PDE4D: variants seen among roughly 807,000 people sequenced by gnomAD.
The protein encoded by PDE4D is phosphodiesterase 4D.
In PDE4D, 24 loss-of-function variants were observed where a neutral mutation model predicts 87.4. The ratio of observed to expected loss-of-function variants is 0.27; its 90% CI spans 0.20 to 0.39. PDE4D has a LOEUF of 0.39. Ranked by LOEUF, PDE4D falls within the 10% of genes least tolerant of loss-of-function variation. The probability of loss-of-function intolerance (pLI) is 1.00; values close to 1 mark genes in which losing one functional copy is unlikely to be tolerated. For missense variants in PDE4D, 714 were observed against 1,041.0 expected (o/e 0.69, Z 4.32); for synonymous variants, 384 against 383.2 (o/e 1.00, Z -0.02).
At chr5:59,716,453 A>G (rs1378752448) in intron 1 of PDE4D, among the ~76,000 whole-genome samples, 1 of 152,214 alleles carries the variant, frequency 6.6e-6, no homozygotes, top group Non-Finnish European at 1.5e-5. Context: ...ATGTTACAAC[A>G]ATGTGATAAA....
intron 1 of PDE4D, among the ~76,000 whole-genome samples, chr5:60,344,774 A>C (rs1223144724): frequency 6.6e-6 from 1 of 152,176 alleles, no homozygotes; most frequent in African/African-American, 2.4e-5. Context: ...AAAAACACTC[A>C]TCTATATAGT....
At chr5:59,792,099 T>G (rs1264776304) in intron 1 of PDE4D, among the ~76,000 whole-genome samples, 1 of 152,142 alleles carries the variant, frequency 6.6e-6, no homozygotes, top group Non-Finnish European at 1.5e-5. Context: ...AGAACTCAGT[T>G]CTATGGGCTC....
intron 1 of PDE4D, among the ~76,000 whole-genome samples, chr5:59,262,668 C>A (rs1031710666): frequency 2.0e-5 from 3 of 151,848 alleles, no homozygotes; most frequent in Non-Finnish European, 2.9e-5. Context: ...TCATATGTGA[C>A]AACTGTGTGG....
At chr5:60,509,948 A>G (rs903177838) in intron 1 of PDE4D, among the ~76,000 whole-genome samples, 1 of 152,248 alleles carries the variant, frequency 6.6e-6, no homozygotes, top group Non-Finnish European at 1.5e-5. Context: ...CAGTGGGACC[A>G]GTATAAGGGC....
At chr5:59,303,152 T>C (rs1331619889) in intron 1 of PDE4D, among the ~76,000 whole-genome samples, 2 of 152,230 alleles carry the variant, frequency 1.3e-5, no homozygotes, top group African/African-American at 4.8e-5. Context: ...ATGTTGAGCA[T>C]TTTTTCATAT....
chr5:59,383,589 G>A (rs1484037497), intron 1 of PDE4D, among the ~76,000 whole-genome samples: 1 of 152,014 alleles, frequency 6.6e-6, no homozygotes, highest in African/African-American at 2.4e-5. Context: ...CTCCATATAA[G>A]CTACACAGAA....
At chr5:60,030,403 T>G (rs1767118283) in intron 2 of PDE4D, among the ~76,000 whole-genome samples, 3 of 152,226 alleles carry the variant, frequency 2.0e-5, no homozygotes, top group South Asian at 4.1e-4. Context: ...TGAGCCGAGA[T>G]TGCGCCACTG....
At chr5:59,087,588 C>T (rs1237158296) in intron 5 of PDE4D, among the ~76,000 whole-genome samples, 1 of 152,086 alleles carries the variant, frequency 6.6e-6, no homozygotes, top group African/African-American at 2.4e-5. Flanking sequence ...ATTAATAGTC[C>T]TGTCCTTGAG....
At chr5:60,151,462 T>C (rs1379929960) in intron 2 of PDE4D, among the ~76,000 whole-genome samples, 1 of 152,210 alleles carries the variant, frequency 6.6e-6, no homozygotes, top group Non-Finnish European at 1.5e-5. Context: ...GTTTTCAGTC[T>C]TTCACCTTCT....
chr5:60,167,269 T>A (rs952691312), intron 2 of PDE4D, among the ~76,000 whole-genome samples: 1 of 129,858 alleles, frequency 7.7e-6, no homozygotes, highest in Non-Finnish European at 1.6e-5. Flanking sequence ...GTATTTTCTT[T>A]TTTTTTTTTT....
chr5:60,168,294 A>G (rs1245552706), intron 2 of PDE4D, among the ~76,000 whole-genome samples: 2 of 152,266 alleles, frequency 1.3e-5, no homozygotes, highest in Non-Finnish European at 2.9e-5. Flanking sequence ...ATAGGGGTTC[A>G]GAGCAGATTT....
At chr5:60,489,555 C>A (rs772622990), upstream of PDE4D, 2 of 152,150 alleles carry the variant, frequency 1.3e-5, no homozygotes, top group Non-Finnish European at 2.9e-5. Flanking sequence ...GCAATTTCCC[C>A]CCAGGGTTTG....
intron 1 of PDE4D, among the ~76,000 whole-genome samples, chr5:59,792,302 G>T (rs960589947): frequency 6.6e-6 from 1 of 152,124 alleles, no homozygotes; most frequent in African/African-American, 2.4e-5. Flanking sequence ...GAACCAATAC[G>T]TGGCAACGCC....
rs146091741 is a variant in PDE4D, at chr5:60,313,390, T to C, written c.-89-127703A>G. ...CTCCCAAGATTGAACTAGGAAGAAA[T>C]TCAAATCCTGAACAGACCAATGACA... On this transcript the variant is annotated intron_variant, in intron 1 of 16. Coordinates refer to the PDE4D transcript ENST00000502484. Among the ~76,000 whole-genome samples the C allele has an allele frequency of 8.1e-3, 1,226 of 152,192 alleles. 11 individuals carry two copies. The highest frequency in any genetic ancestry group is 0.028 in the African/African-American group (1,147 of 41,538).
At chr5:60,202,723 A>G (rs1392024389) in intron 1 of PDE4D, among the ~76,000 whole-genome samples, 1 of 152,096 alleles carries the variant, frequency 6.6e-6, no homozygotes, top group Non-Finnish European at 1.5e-5. Flanking sequence ...AAACAAATGA[A>G]TAAAAAATAA....
In PDE4D at chr5:58,974,946, G is replaced by A; in HGVS notation, c.2148C>T (p.Pro716=). 6.2e-7 allele frequency: 1 copy of A among 1,613,466 alleles called. No homozygotes were observed. The highest frequency in any genetic ancestry group is 8.5e-7 in the Non-Finnish European group (1 of 1,179,552). Residue 716 remains proline (P), a synonymous_variant, in exon 15 of 15, where the codon CCC becomes CCT. Coordinates refer to ENST00000340635, the MANE Select transcript of PDE4D (RefSeq NM_001104631.2). ...EWYQSTIPQS[P]SPAPDDPEEG... The stretch of plus-strand genomic sequence containing the variant: ...CCTCTGGGTCATCAGGTGCAGGAGA[G>A]GGGCTCTGAGGGATTGTGCTCTGGT...
intron 1 of PDE4D, among the ~76,000 whole-genome samples, chr5:59,419,273 T>A (rs1794109156): frequency 6.6e-6 from 1 of 152,216 alleles, no homozygotes; most frequent in African/African-American, 2.4e-5. Flanking sequence ...TTTTTCCCTT[T>A]GAATTTTTGT....
At chr5:59,837,207 T>C (rs1191544919) in intron 1 of PDE4D, among the ~76,000 whole-genome samples, 1 of 152,056 alleles carries the variant, frequency 6.6e-6, no homozygotes, top group Non-Finnish European at 1.5e-5. Flanking sequence ...TTTTCATTTA[T>C]TCAACACATA....
intron 2 of PDE4D, among the ~76,000 whole-genome samples, chr5:60,122,785 T>C (rs1051016255): frequency 6.6e-6 from 1 of 152,258 alleles, no homozygotes; most frequent in South Asian, 2.1e-4. Flanking sequence ...CTTCAATTTC[T>C]CCTCAGAAAA....
Sources: gnomAD v4.1 joint callset for allele counts (sites outside exome capture counted in the v4.1 genomes callset) on GRCh38, gnomAD v4.1.1 for gene constraint, MANE v1.5 for transcripts, NCBI Gene and HGNC (gene_info 2026-07-23, HGNC 2026-07-21) for gene names.